VPS13B: variants seen among roughly 807,000 people sequenced by gnomAD.
VPS13B encodes vacuolar protein sorting 13 homolog B.
A neutral mutation model predicts 426.4 loss-of-function variants in VPS13B; 285 were observed. The ratio of observed to expected loss-of-function variants is 0.67; its 90% CI spans 0.61 to 0.74. The LOEUF (loss-of-function observed/expected upper bound fraction) is 0.74, where lower values mean the gene tolerates loss of function less well. Among genes scored for constraint, VPS13B ranks in the 30% least tolerant of loss-of-function variants. The probability of loss-of-function intolerance (pLI) is 0.00; values close to 1 mark genes in which losing one functional copy is unlikely to be tolerated. For missense variants in VPS13B, 4,537 were observed against 4,782.6 expected (o/e 0.95, Z 1.51); for synonymous variants, 1,676 against 1,676.4 (o/e 1.00, Z 0.01).
chr8:99,345,236 C>T (rs1811474183), intron 19 of VPS13B, among the ~76,000 whole-genome samples: 1 of 152,056 alleles, frequency 6.6e-6, no homozygotes, highest in Non-Finnish European at 1.5e-5. Context: ...TTTTCTTTTT[C>T]CTTATTTTTA....
intron 19 of VPS13B, among the ~76,000 whole-genome samples, chr8:99,293,699 A>G (rs1490786828): frequency 6.6e-6 from 1 of 152,006 alleles, no homozygotes; most frequent in Non-Finnish European, 1.5e-5. Context: ...TTTACAAGAA[A>G]AAAACAAACA....
chr8:99,279,224 C>T (rs761310761), intron 19 of VPS13B, among the ~76,000 whole-genome samples: 23 of 152,042 alleles, frequency 1.5e-4, no homozygotes, highest in Non-Finnish European at 2.6e-4. Flanking sequence ...GGTGACAGAA[C>T]GCAACCCTGT....
intron 40 of VPS13B, 73 bp downstream of exon 40, chr8:99,767,043 A>G: frequency 6.9e-7 from 1 of 1,447,530 alleles, no homozygotes; most frequent in Non-Finnish European, 9.6e-7. Context: ...CTATCTAGTG[A>G]CCCCTCACTT....
intron 19 of VPS13B, among the ~76,000 whole-genome samples, chr8:99,297,411 A>G (rs1820100734): frequency 6.6e-6 from 1 of 152,142 alleles, no homozygotes; most frequent in Admixed American, 6.5e-5. Flanking sequence ...AAATTAGGAA[A>G]CTTGTCAGCT....
chr8:99,082,354 G>C (rs1226247368), intron 3 of VPS13B, among the ~76,000 whole-genome samples: 2 of 152,108 alleles, frequency 1.3e-5, no homozygotes, highest in Non-Finnish European at 2.9e-5. Context: ...TGTAGATTCT[G>C]GATATTAGCC....
chr8:99,315,598 A>C (rs1232170815), intron 19 of VPS13B, among the ~76,000 whole-genome samples: 2 of 148,958 alleles, frequency 1.3e-5, no homozygotes, highest in Non-Finnish European at 3.0e-5. Context: ...GAGCTTCTTT[A>C]TAATCAATAT....
chr8:99,351,513 C>T lies in VPS13B; in HGVS notation c.2825-32695C>T, dbSNP rs1363993319. On this transcript the variant is annotated intron_variant, in intron 19 of 61. Coordinates refer to ENST00000357162, the MANE Select transcript of VPS13B (RefSeq NM_152564.5). Reference sequence around the variant, plus strand: ...ATTTCTTGGTATCTTCGAATGTGTTCACCTTTCTTTCTGGAATCCCTTTTT... The same window carrying T: ...ATTTCTTGGTATCTTCGAATGTGTTTACCTTTCTTTCTGGAATCCCTTTTT... Among the ~76,000 whole-genome samples, 7 of 151,140 alleles carry T rather than the reference C, an allele frequency of 4.6e-5. No individual in the cohort carries two copies. In the East Asian group the frequency reaches 1.4e-3, roughly 29 times the overall value.
At chr8:99,808,603 A>G (rs1057352292) in intron 43 of VPS13B, among the ~76,000 whole-genome samples, 1 of 151,996 alleles carries the variant, frequency 6.6e-6, no homozygotes, top group Non-Finnish European at 1.5e-5. Flanking sequence ...CAAAAGTACT[A>G]ATTATTATTA....
At chr8:99,060,857 T>A (rs1844145779) in intron 3 of VPS13B, among the ~76,000 whole-genome samples, 1 of 152,148 alleles carries the variant, frequency 6.6e-6, no homozygotes, top group Non-Finnish European at 1.5e-5. Flanking sequence ...GTATATTTTA[T>A]TTTTAGTCTG....
At chr8:99,582,914 C>T (rs1826140667) in intron 33 of VPS13B, among the ~76,000 whole-genome samples, 1 of 152,234 alleles carries the variant, frequency 6.6e-6, no homozygotes, top group African/African-American at 2.4e-5. Flanking sequence ...CTTGGCCTCC[C>T]AAAGTTCTGG....
At chr8:99,279,674 T>C (rs958905796) in intron 19 of VPS13B, among the ~76,000 whole-genome samples, 1 of 152,224 alleles carries the variant, frequency 6.6e-6, no homozygotes, top group African/African-American at 2.4e-5. Flanking sequence ...ATGGTATTAA[T>C]GTGTAAATAA....
At chr8:99,047,535 C>T (rs1335389287) in intron 3 of VPS13B, among the ~76,000 whole-genome samples, 4 of 151,978 alleles carry the variant, frequency 2.6e-5, no homozygotes, top group African/African-American at 9.7e-5. Flanking sequence ...TTTATTTCTG[C>T]ACTGATCTTG....
chr8:99,051,951 C>T (rs201881028), intron 3 of VPS13B, among the ~76,000 whole-genome samples: 15 of 152,084 alleles, frequency 9.9e-5, no homozygotes, highest in Admixed American at 6.6e-4. Flanking sequence ...GGGGTTTTCT[C>T]GATATACAAT....
At chr8:99,574,564 G>A (rs1478663551) in intron 31 of VPS13B, among the ~76,000 whole-genome samples, 3 of 151,940 alleles carry the variant, frequency 2.0e-5, no homozygotes, top group South Asian at 4.2e-4. Flanking sequence ...ATAATCACGT[G>A]GTCTTTGTCT....
At chr8:99,506,593 C>A (rs1024645496) in intron 27 of VPS13B, among the ~76,000 whole-genome samples, 4 of 152,164 alleles carry the variant, frequency 2.6e-5, no homozygotes, top group African/African-American at 9.7e-5. Context: ...CATGGTGGCT[C>A]ACACCTGTGA....
chr8:99,621,136 G>C (rs1828332839), intron 33 of VPS13B, among the ~76,000 whole-genome samples: 1 of 152,052 alleles, frequency 6.6e-6, no homozygotes, highest in Non-Finnish European at 1.5e-5. Context: ...ACAGAATTTT[G>C]TTGTTGGTTT....
At chr8:99,270,545 T>C (rs1200092229) in intron 17 of VPS13B, among the ~76,000 whole-genome samples, 1 of 152,200 alleles carries the variant, frequency 6.6e-6, no homozygotes, top group Non-Finnish European at 1.5e-5. Flanking sequence ...AGGTAGAGTA[T>C]TAAGTTTTGG....
At chr8:99,480,499 A>G (rs539691487) in intron 24 of VPS13B, among the ~76,000 whole-genome samples, 1 of 152,296 alleles carries the variant, frequency 6.6e-6, no homozygotes, top group East Asian at 1.9e-4. Context: ...TCTTTTTAAA[A>G]ACTGGTTTGC....
intron 3 of VPS13B, among the ~76,000 whole-genome samples, chr8:99,095,098 A>G (rs1276029437): frequency 6.6e-6 from 1 of 152,124 alleles, no homozygotes; most frequent in East Asian, 1.9e-4. Context: ...GTAACTTCTC[A>G]TTCACTCTGA....
Sources: gnomAD v4.1 joint callset for allele counts (sites outside exome capture counted in the v4.1 genomes callset) on GRCh38, gnomAD v4.1.1 for gene constraint, MANE v1.5 for transcripts, NCBI Gene and HGNC (gene_info 2026-07-23, HGNC 2026-07-21) for gene names.